Variants in SLC29A3 observed in about 807,000 individuals in gnomAD.
SLC29A3 encodes solute carrier family 29 member 3.
Under a neutral mutation model 25.4 loss-of-function variants are expected in SLC29A3, and 18 were observed. The observed-to-expected ratio is 0.71, with a 90% CI of 0.49 to 1.05. The LOEUF is 1.05. Ranked by LOEUF, SLC29A3 falls within the 50% of genes least tolerant of loss-of-function variation. The probability of loss-of-function intolerance (pLI) is 0.00; values close to 1 mark genes in which losing one functional copy is unlikely to be tolerated. For synonymous variants in SLC29A3, 258 were observed against 267.1 expected, an observed-to-expected ratio of 0.97 and a Z score of 0.33; for missense variants, 586 against 609.0, an observed-to-expected ratio of 0.96 and a Z score of 0.40.
chr10:71,364,024 TTGTC>T (rs1479345080), downstream of SLC29A3, among the ~76,000 whole-genome samples: 1 of 151,914 alleles, frequency 6.6e-6, no homozygotes, highest in Non-Finnish European at 1.5e-5. Flanking sequence ...GGGAGTGACT[TTGTC>T]TGGGGATGGG....
At chr10:71,355,513 A>C (rs995165081) in intron 4 of SLC29A3, among the ~76,000 whole-genome samples, 1 of 152,192 alleles carries the variant, frequency 6.6e-6, no homozygotes. Context: ...CTTGGGGTAC[A>C]CAGTAGGTTC....
intron 5 of SLC29A3, among the ~76,000 whole-genome samples, chr10:71,359,611 C>T (rs1391808903): frequency 1.3e-5 from 2 of 152,242 alleles, no homozygotes; most frequent in Non-Finnish European, 2.9e-5. Flanking sequence ...GGCCCTCCCA[C>T]ACACCCACTC....
chr10:71,332,242 C>T (rs1350568270), intron 2 of SLC29A3, among the ~76,000 whole-genome samples: 2 of 150,900 alleles, frequency 1.3e-5, no homozygotes, highest in East Asian at 1.9e-4. Context: ...CTCTGCCTCC[C>T]GGGTTCAAGT....
intron 2 of SLC29A3, among the ~76,000 whole-genome samples, chr10:71,335,733 G>A (rs112870519): frequency 1.1e-4 from 16 of 152,264 alleles, no homozygotes; most frequent in African/African-American, 3.9e-4. Flanking sequence ...TCTCTTGAAG[G>A]CCTTTGATTT....
At chr10:71,339,205 G>C (rs2131818889) in intron 2 of SLC29A3, among the ~76,000 whole-genome samples, 1 of 152,308 alleles carries the variant, frequency 6.6e-6, no homozygotes, top group South Asian at 2.1e-4. Flanking sequence ...TGTGGTAAGA[G>C]CACATGGGCT....
intron 2 of SLC29A3, among the ~76,000 whole-genome samples, chr10:71,328,414 G>A (rs1846023072): frequency 6.6e-6 from 1 of 152,206 alleles, no homozygotes; most frequent in Admixed American, 6.5e-5. Flanking sequence ...TACAGCTCAT[G>A]GAGACCGAGC....
intron 2 of SLC29A3, among the ~76,000 whole-genome samples, chr10:71,331,961 G>A (rs1288345779): frequency 6.6e-6 from 1 of 152,166 alleles, no homozygotes; most frequent in Non-Finnish European, 1.5e-5. Flanking sequence ...ACTGTTGCCA[G>A]GTGGTCCTGT....
intron 1 of SLC29A3, 40 bp downstream of exon 1, chr10:71,319,350 C>A: frequency 1.6e-6 from 1 of 625,996 alleles, no homozygotes; most frequent in African/African-American, 1.9e-5. Flanking sequence ...GCTACGGTCC[C>A]GGCCGCCCCC....
chr10:71,324,985 G>A (rs1266480054), intron 2 of SLC29A3, among the ~76,000 whole-genome samples: 1 of 152,198 alleles, frequency 6.6e-6, no homozygotes, highest in Non-Finnish European at 1.5e-5. Flanking sequence ...GCCCCAGGCT[G>A]GTGTCTGATC....
At chr10:71,331,027 G>T (rs1294467765) in intron 2 of SLC29A3, among the ~76,000 whole-genome samples, 1 of 152,076 alleles carries the variant, frequency 6.6e-6, no homozygotes, top group Admixed American at 6.6e-5. Context: ...CTTAACCCCA[G>T]TGCTTTATAT....
intron 1 of SLC29A3, among the ~76,000 whole-genome samples, chr10:71,320,327 AAATGTAACAAG>A (rs1332306580): frequency 6.6e-6 from 1 of 152,202 alleles, no homozygotes; most frequent in African/African-American, 2.4e-5. Context: ...CTAATTTTTA[AAATGTAACAAG>A]TGAGCTTGTT....
intron 4 of SLC29A3, among the ~76,000 whole-genome samples, chr10:71,378,985 G>A (rs1218631568): frequency 1.3e-5 from 2 of 152,224 alleles, no homozygotes; most frequent in South Asian, 2.1e-4. Flanking sequence ...GCCCAGTGAG[G>A]AGGAGGACGA....
At chr10:71,320,400 AC>A (rs1187273301) in intron 1 of SLC29A3, among the ~76,000 whole-genome samples, 6 of 152,232 alleles carry the variant, frequency 3.9e-5, no homozygotes, top group African/African-American at 1.4e-4. Flanking sequence ...GGTGGCTTAA[AC>A]AAAATTTGTT....
downstream of SLC29A3, chr10:71,364,161 T>A (rs924468674): frequency 2.0e-5 from 3 of 151,988 alleles, no homozygotes; most frequent in Admixed American, 2.0e-4. Flanking sequence ...GGGTAGAGAG[T>A]GGCCTGGAGA....
rs529653474 is a variant in SLC29A3 at position 71,338,574 on chromosome 10, A to G, written c.301-5635A>G. Among the ~76,000 whole-genome samples, 25 of 152,176 alleles carry G rather than the reference A, an allele frequency of 1.6e-4. 1 individual carries two copies. In the East Asian group the frequency reaches 4.7e-3, roughly 28 times the overall value. ...GGAGCTCAAGACCATCCTGGCTAAC[A>G]TGGTGAAACACTGTCTCTACTAAAA... On this transcript the variant is annotated intron_variant, in intron 2 of 5. Coordinates refer to ENST00000373189, the MANE Select transcript of SLC29A3 (RefSeq NM_018344.6).
chr10:71,355,402 G>A lies in SLC29A3; in HGVS notation c.611-679G>A, dbSNP rs140033355. On this transcript the variant is annotated intron_variant, in intron 4 of 5. Coordinates refer to ENST00000373189, the MANE Select transcript of SLC29A3 (RefSeq NM_018344.6). ...TGGCAAGGAGAACATTCCATGTGGT[G>A]GGGTGGTTGCGTGCTTGTGTGTGCA... 1.8e-3 allele frequency among the ~76,000 whole-genome samples: 278 copies of A among 152,334 alleles called. 2 individuals carry two copies. The highest frequency in any genetic ancestry group is 6.3e-3 in the African/African-American group (263 of 41,552).
At chr10:71,326,692 C>T (rs914788104) in intron 2 of SLC29A3, among the ~76,000 whole-genome samples, 5 of 152,240 alleles carry the variant, frequency 3.3e-5, no homozygotes, top group East Asian at 1.9e-4. Context: ...GCCCTCGCCT[C>T]GTGTACTGCT....
intron 3 of SLC29A3, among the ~76,000 whole-genome samples, chr10:71,349,567 T>TGTGTGG (rs981134498): frequency 1.2e-4 from 19 of 152,112 alleles, no homozygotes; most frequent in Non-Finnish European, 1.3e-4. Flanking sequence ...TGTTTGTGGC[T>TGTGTGG]GTGTGGGTGT....
chr10:71,334,709 T>G (rs1846200249), intron 2 of SLC29A3, among the ~76,000 whole-genome samples: 1 of 152,118 alleles, frequency 6.6e-6, no homozygotes, highest in Non-Finnish European at 1.5e-5. Context: ...GATCCCGCAG[T>G]GCACCTCCAC....
Sources: gnomAD v4.1 joint callset for allele counts (sites outside exome capture counted in the v4.1 genomes callset) on GRCh38, gnomAD v4.1.1 for gene constraint, MANE v1.5 for transcripts, NCBI Gene and HGNC (gene_info 2026-07-23, HGNC 2026-07-21) for gene names.